OSBP2: variants seen among roughly 807,000 people sequenced by gnomAD.
The protein encoded by OSBP2 is oxysterol binding protein 2.
Under a neutral mutation model 96.0 loss-of-function variants are expected in OSBP2, and 66 were observed. That is an observed-to-expected ratio of 0.69 (90% confidence interval 0.56 to 0.84). The LOEUF (loss-of-function observed/expected upper bound fraction) is 0.84, where lower values mean the gene tolerates loss of function less well. Among genes scored for constraint, OSBP2 ranks in the 40% least tolerant of loss-of-function variants. OSBP2 has a pLI of 0.00. For synonymous variants in OSBP2, 525 were observed against 520.9 expected (o/e 1.01, Z -0.11); for missense variants, 1,038 against 1,222.7 (o/e 0.85, Z 2.25).
At chr22:30,868,848 G>A (rs994344015) in intron 2 of OSBP2, among the ~76,000 whole-genome samples, 3 of 152,198 alleles carry the variant, frequency 2.0e-5, no homozygotes, top group Admixed American at 6.5e-5. Flanking sequence ...GTCCACCCCC[G>A]TGTACCTTGC....
intron 2 of OSBP2, among the ~76,000 whole-genome samples, chr22:30,845,575 A>T (rs937062357): frequency 6.9e-6 from 1 of 144,618 alleles, no homozygotes; most frequent in African/African-American, 2.5e-5. Flanking sequence ...CAATTTGTTT[A>T]AAAAAAAAAA....
chr22:30,776,413 T>C (rs182458540), intron 2 of OSBP2, among the ~76,000 whole-genome samples: 5 of 152,294 alleles, frequency 3.3e-5, no homozygotes, highest in South Asian at 4.1e-4. Context: ...GTGTGAGTAC[T>C]GCACCTGGCC....
intron 2 of OSBP2, among the ~76,000 whole-genome samples, chr22:30,813,171 C>CT (rs911860511): frequency 0.014 from 1,063 of 78,630 alleles, 84 homozygotes; most frequent in African/African-American, 0.021. Flanking sequence ...ATGTTGCATT[C>CT]TTTTTTTTTT....
chr22:30,843,281 G>A (rs1054152268), intron 2 of OSBP2, among the ~76,000 whole-genome samples: 2 of 152,148 alleles, frequency 1.3e-5, no homozygotes, highest in Non-Finnish European at 2.9e-5. Context: ...TCTTAATGGT[G>A]TCTAAGAGAG....
At chr22:30,837,503 C>T (rs954062204) in intron 2 of OSBP2, among the ~76,000 whole-genome samples, 1 of 152,170 alleles carries the variant, frequency 6.6e-6, no homozygotes, top group Admixed American at 6.5e-5. Flanking sequence ...CAAGAGTCTG[C>T]ACTGTGTGAA....
chr22:30,703,936 G>A (rs1358782253), intron 1 of OSBP2, among the ~76,000 whole-genome samples: 2 of 152,198 alleles, frequency 1.3e-5, no homozygotes, highest in African/African-American at 4.8e-5. Context: ...AAGTGTCAGA[G>A]TGACTTCCAG....
rs756057917 is a variant in OSBP2 at position 30,820,538 on chromosome 22, G to A, written c.854-49891G>A. Reference sequence around the variant, plus strand: ...GGGACCTTGCAGAGCATGGTTCTCTGAGTGTGGCCTCTGAGGTCAGCCAGA... The same window carrying A: ...GGGACCTTGCAGAGCATGGTTCTCTAAGTGTGGCCTCTGAGGTCAGCCAGA... On this transcript the variant is annotated intron_variant, in intron 2 of 13. Coordinates refer to ENST00000332585, the MANE Select transcript of OSBP2 (RefSeq NM_030758.4). Among the ~76,000 whole-genome samples the A allele has an allele frequency of 7.5e-4, 114 of 152,326 alleles. 1 individual carries two copies. The highest frequency in any genetic ancestry group is 5.9e-3 in the Admixed American group (90 of 15,302).
intron 1 of OSBP2, among the ~76,000 whole-genome samples, chr22:30,711,011 C>T (rs184354043): frequency 2.0e-5 from 3 of 152,328 alleles, no homozygotes; most frequent in Non-Finnish European, 4.4e-5. Context: ...TCCCAAAGTG[C>T]TGGGAATACA....
At position 30,695,212 on chromosome 22, in the gene OSBP2, G is replaced by T. The variant is rs1053123401; in HGVS notation, c.303G>T (p.Leu101=). 6.2e-7 allele frequency: 1 copy of T among 1,613,248 alleles called. No individual in the cohort carries two copies. Among genetic ancestry groups the T allele is most frequent in the Non-Finnish European group, 8.5e-7 (1 of 1,179,658 alleles). ...GGGCTGGGCAGCCATCGGAACTGCT[G>T]CAGGGGTCGCGGCCGGGGTCAGAGT... ...EPGAGQPSEL[L]QGSRPGSESS... is the part of the protein sequence containing the mutation. Residue 101 remains leucine, a synonymous_variant, in exon 1 of 14, where the codon CTG becomes CTT. Transcript: ENST00000332585.
intron 12 of OSBP2, among the ~76,000 whole-genome samples, chr22:30,901,222 C>T (rs1438377039): frequency 7.2e-5 from 11 of 152,210 alleles, no homozygotes; most frequent in African/African-American, 2.4e-4. Flanking sequence ...GTGTGCGCCA[C>T]CACGCCCGAC....
At chr22:30,817,869 A>G (rs1207954960) in intron 2 of OSBP2, among the ~76,000 whole-genome samples, 1 of 152,086 alleles carries the variant, frequency 6.6e-6, no homozygotes, top group East Asian at 1.9e-4. Flanking sequence ...GCACTCAGGA[A>G]GCTCACACTT....
chr22:30,874,157 A>C (rs1340909783), intron 3 of OSBP2, among the ~76,000 whole-genome samples: 4 of 152,238 alleles, frequency 2.6e-5, no homozygotes, highest in African/African-American at 4.8e-5. Flanking sequence ...GAATCACTTG[A>C]ACCCAGGAGG....
At chr22:30,759,683 A>G (rs1270776840) in intron 2 of OSBP2, among the ~76,000 whole-genome samples, 3 of 152,236 alleles carry the variant, frequency 2.0e-5, no homozygotes, top group Non-Finnish European at 4.4e-5. Context: ...GAATAATCCT[A>G]TAACTATTAA....
intron 2 of OSBP2, among the ~76,000 whole-genome samples, chr22:30,824,792 G>C (rs2038362397): frequency 6.6e-6 from 1 of 152,202 alleles, no homozygotes; most frequent in Admixed American, 6.5e-5. Flanking sequence ...AGATGGGCTT[G>C]CTGCCTGCTC....
chr22:30,783,964 A>T (rs774802153), intron 2 of OSBP2, among the ~76,000 whole-genome samples: 43 of 152,218 alleles, frequency 2.8e-4, no homozygotes, highest in Admixed American at 1.0e-3. Flanking sequence ...GGCCTTCAGC[A>T]TGTATCTGCA....
intron 2 of OSBP2, among the ~76,000 whole-genome samples, chr22:30,749,300 A>G (rs1365895800): frequency 6.6e-6 from 1 of 152,202 alleles, no homozygotes; most frequent in Non-Finnish European, 1.5e-5. Flanking sequence ...TTGTGTTTTT[A>G]AAGTACTGGG....
intron 2 of OSBP2, among the ~76,000 whole-genome samples, chr22:30,845,835 C>T (rs1040865245): frequency 2.1e-5 from 3 of 140,516 alleles, no homozygotes; most frequent in Non-Finnish European, 4.5e-5. Flanking sequence ...GAGCTGAGAT[C>T]GTGCCACTGC....
chr22:30,886,725 G>A (rs2039818114), intron 3 of OSBP2, among the ~76,000 whole-genome samples: 2 of 152,224 alleles, frequency 1.3e-5, no homozygotes, highest in African/African-American at 4.8e-5. Flanking sequence ...TGATGAGAAT[G>A]TATGGTTTTT....
At chr22:30,801,917 C>T (rs2145842034) in intron 2 of OSBP2, among the ~76,000 whole-genome samples, 1 of 152,302 alleles carries the variant, frequency 6.6e-6, no homozygotes, top group East Asian at 1.9e-4. Context: ...TTCCAGGCTG[C>T]AGTGAGCTAT....
Sources: allele counts gnomAD v4.1 joint callset (sites outside exome capture counted in the v4.1 genomes callset), GRCh38; gene constraint gnomAD v4.1.1; transcripts MANE v1.5; gene names NCBI Gene and HGNC (gene_info 2026-07-23, HGNC 2026-07-21).